The following ARHGAP44 variants were observed in gnomAD, a reference collection of about 807,000 sequenced individuals.
ARHGAP44 encodes rho GTPase-activating protein 44.
ARHGAP44 carries 43 observed loss-of-function variants against 106.8 expected under a neutral mutation model. The observed-to-expected ratio is 0.40, with a 90% CI of 0.32 to 0.52. The LOEUF is 0.52. Ranked by LOEUF, ARHGAP44 falls within the 20% of genes least tolerant of loss-of-function variation. ARHGAP44 has a pLI of 0.48. For missense variants in ARHGAP44, 866 were observed against 1,050.5 expected, an observed-to-expected ratio of 0.82 and a Z score of 2.43; for synonymous variants, 439 against 410.3, an observed-to-expected ratio of 1.07 and a Z score of -0.85.
intron 18 of ARHGAP44, among the ~76,000 whole-genome samples, chr17:12,978,176 G>C (rs1478626285): frequency 6.6e-6 from 1 of 152,094 alleles, no homozygotes; most frequent in East Asian, 1.9e-4. Flanking sequence ...TTAGTTTGCT[G>C]ATTATGAGAT....
chr17:12,983,976 G>A (rs963963056), intron 19 of ARHGAP44, among the ~76,000 whole-genome samples: 1 of 152,178 alleles, frequency 6.6e-6, no homozygotes, highest in Non-Finnish European at 1.5e-5. Context: ...GAAGGAACAG[G>A]GGTTCTGTGG....
intron 1 of ARHGAP44, among the ~76,000 whole-genome samples, chr17:12,876,983 A>G (rs1412247472): frequency 1.3e-5 from 2 of 151,918 alleles, no homozygotes; most frequent in Non-Finnish European, 1.5e-5. Flanking sequence ...CTAGCTCGGG[A>G]CTATGCAAGT....
intron 1 of ARHGAP44, among the ~76,000 whole-genome samples, chr17:12,812,690 T>A (rs2034474765): frequency 1.3e-5 from 2 of 152,198 alleles, no homozygotes; most frequent in Admixed American, 1.3e-4. Context: ...ACACACGTGG[T>A]TAACATGCTC....
intron 5 of ARHGAP44, chr17:12,917,474 G>C (rs2037952400): frequency 6.6e-6 from 1 of 152,446 alleles, no homozygotes; most frequent in Non-Finnish European, 1.5e-5. Context: ...ATCTCACTAC[G>C]GGAGGGAGGG....
chr17:12,869,938 T>C (rs2150880610), intron 1 of ARHGAP44, among the ~76,000 whole-genome samples: 1 of 152,176 alleles, frequency 6.6e-6, no homozygotes, highest in South Asian at 2.1e-4. Flanking sequence ...ATTTTTCCAG[T>C]CTGTGAAGGG....
At chr17:12,978,907 T>C (rs2039764709) in intron 18 of ARHGAP44, among the ~76,000 whole-genome samples, 1 of 152,154 alleles carries the variant, frequency 6.6e-6, no homozygotes, top group Admixed American at 6.5e-5. Flanking sequence ...CAGGCTGGTC[T>C]CAAACTCCTG....
intron 3 of ARHGAP44, among the ~76,000 whole-genome samples, chr17:12,904,480 A>G (rs535101134): frequency 4.6e-5 from 7 of 152,346 alleles, no homozygotes; most frequent in African/African-American, 1.4e-4. Context: ...CCACCTTGGA[A>G]TCCAAGCTCT....
At chr17:12,832,894 G>C (rs1048167299) in intron 1 of ARHGAP44, among the ~76,000 whole-genome samples, 1 of 152,218 alleles carries the variant, frequency 6.6e-6, no homozygotes, top group African/African-American at 2.4e-5. Flanking sequence ...AGTTAATTTT[G>C]TTCCAGCTCA....
At chr17:12,914,082 C>A (rs571453360) in intron 4 of ARHGAP44, among the ~76,000 whole-genome samples, 1 of 151,602 alleles carries the variant, frequency 6.6e-6, no homozygotes, top group Non-Finnish European at 1.5e-5. Context: ...CCTTCACACA[C>A]GTGTGTATAT....
At chr17:12,974,944 G>T (rs2143346859) in intron 18 of ARHGAP44, among the ~76,000 whole-genome samples, 1 of 151,454 alleles carries the variant, frequency 6.6e-6, no homozygotes, top group Middle Eastern at 3.4e-3. Flanking sequence ...CCGCCTTACA[G>T]GCTCAAGCGA....
At chr17:12,963,534 G>A (rs541211512) in intron 16 of ARHGAP44, among the ~76,000 whole-genome samples, 5 of 152,312 alleles carry the variant, frequency 3.3e-5, no homozygotes, top group African/African-American at 9.6e-5. Context: ...CTCTGCCAAT[G>A]CTGTGTGTGC....
intron 1 of ARHGAP44, among the ~76,000 whole-genome samples, chr17:12,861,856 A>G (rs1260151616): frequency 6.6e-6 from 1 of 151,802 alleles, no homozygotes; most frequent in African/African-American, 2.4e-5. Context: ...GCTGGTCTTG[A>G]ACTCCTGGCC....
At chr17:12,794,794 C>G (rs9900125) in intron 1 of ARHGAP44, among the ~76,000 whole-genome samples, 26,623 of 152,006 alleles carry the variant, frequency 0.18, 3,854 homozygotes, top group African/African-American at 0.39. Context: ...GCTGCAGAGG[C>G]CTAGGCATTA....
chr17:12,903,583 C>T (rs999313481), intron 3 of ARHGAP44, among the ~76,000 whole-genome samples: 4 of 152,024 alleles, frequency 2.6e-5, no homozygotes, highest in Non-Finnish European at 5.9e-5. Context: ...GACTGGATAT[C>T]CTTTTAAAAA....
At chr17:12,822,706 A>G (rs1470284988) in intron 1 of ARHGAP44, among the ~76,000 whole-genome samples, 1 of 152,286 alleles carries the variant, frequency 6.6e-6, no homozygotes, top group African/African-American at 2.4e-5. Context: ...ACATATGTTC[A>G]ATAGTGAAAT....
At chr17:12,877,160 TGAAA>T (rs1365569358) in intron 1 of ARHGAP44, among the ~76,000 whole-genome samples, 1 of 152,206 alleles carries the variant, frequency 6.6e-6, no homozygotes, top group East Asian at 1.9e-4. Flanking sequence ...AAAACAGTTC[TGAAA>T]GAAGAAATTT....
intron 4 of ARHGAP44, 73 bp downstream of exon 4, chr17:12,909,046 C>T: frequency 7.8e-7 from 1 of 1,290,130 alleles, no homozygotes; most frequent in African/African-American, 1.5e-5. Context: ...GGACTAGACC[C>T]TCTCAGGGAA....
chr17:12,879,194 G>T (rs1229064142), intron 1 of ARHGAP44, among the ~76,000 whole-genome samples: 1 of 152,108 alleles, frequency 6.6e-6, no homozygotes, highest in African/African-American at 2.4e-5. Flanking sequence ...TCATAGCTTA[G>T]CTCCCACTTA....
Position 12,991,461 on chromosome 17 carries a change from C to CT in ARHGAP44, c.*1291dup, listed in dbSNP as rs2040146223. Reference sequence around the variant, plus strand: ...CAACACAGTGTAAAGTCACCCTCCTCTGAGAGTGGGATGTGCAGAGTTTTG... The same window carrying CT: ...CAACACAGTGTAAAGTCACCCTCCTCTTGAGAGTGGGATGTGCAGAGTTTTG... On this transcript the variant is annotated 3_prime_UTR_variant, in exon 21 of 21. Transcript: ENST00000379672. 1 of 170,564 alleles carries CT rather than the reference C, an allele frequency of 5.9e-6. No individual in the cohort carries two copies. The highest frequency in any genetic ancestry group is 2.4e-5 in the African/African-American group (1 of 41,988). 10.6% of individuals were successfully genotyped at this position (170,564 alleles called of 1,614,324 possible). A position where few individuals can be genotyped will look rare whatever the true frequency, so the allele number is the denominator to read the frequency against.
Sources: allele counts gnomAD v4.1 joint callset (sites outside exome capture counted in the v4.1 genomes callset), GRCh38; gene constraint gnomAD v4.1.1; transcripts MANE v1.5; gene names NCBI Gene and HGNC (gene_info 2026-07-23, HGNC 2026-07-21).